The following DHX34 variants were observed in gnomAD, a reference collection of about 807,000 sequenced individuals.
DHX34 encodes DExH-box helicase 34, also known as probable ATP-dependent RNA helicase DHX34.
A neutral mutation model predicts 111.1 loss-of-function variants in DHX34; 96 were observed. The observed-to-expected ratio is 0.86, with a 90% CI of 0.73 to 1.02. DHX34 has a LOEUF of 1.02. DHX34 is among the 50% of genes least tolerant of loss of function. The pLI is 0.00. For synonymous variants in DHX34, 688 were observed against 670.4 expected (o/e 1.03, Z -0.41); for missense variants, 1,560 against 1,579.9 (o/e 0.99, Z 0.21).
At chr19:47,356,812 G>A (rs754394754) in intron 3 of DHX34, among the ~76,000 whole-genome samples, 1 of 151,840 alleles carries the variant, frequency 6.6e-6, no homozygotes, top group Non-Finnish European at 1.5e-5. Flanking sequence ...AAATTAGCTC[G>A]AGTGGTGGTG....
chr19:47,381,750 T>G, intron 16 of DHX34: 1 of 705,530 alleles, frequency 1.4e-6, no homozygotes, highest in Non-Finnish European at 1.7e-6. Flanking sequence ...CCTCTCAGTC[T>G]CCATGTCTCT....
chr19:47,351,089 T>C (rs1205342962), intron 1 of DHX34, among the ~76,000 whole-genome samples: 1 of 151,458 alleles, frequency 6.6e-6, no homozygotes, highest in Non-Finnish European at 1.5e-5. Flanking sequence ...ATAGATACCT[T>C]GAGAGGAGCG....
intron 1 of DHX34, among the ~76,000 whole-genome samples, chr19:47,350,694 A>G (rs1351233571): frequency 6.6e-6 from 1 of 152,114 alleles, no homozygotes; most frequent in Non-Finnish European, 1.5e-5. Flanking sequence ...TGCTGGGATT[A>G]TAGGCGTGAG....
chr19:47,356,054 AAT>A (rs1453220701), intron 3 of DHX34, among the ~76,000 whole-genome samples: 3 of 152,064 alleles, frequency 2.0e-5, no homozygotes. Flanking sequence ...CAGTCTGGAT[AAT>A]TCCTTGTCGT....
At position 47,353,437 on chromosome 19, in the gene DHX34, C is replaced by T. The variant is rs1462717104; in HGVS notation, c.407C>T (p.Ala136Val). The change falls in exon 2 of 17, where the codon GCC (alanine) becomes GTC (valine). Residue 136 changes from alanine to valine, a missense_variant. Ala to Val is a moderately conservative substitution (Grantham distance 64, BLOSUM62 0). Transcript: ENST00000328771. The surrounding 1 kb of genome is among the most constrained non-coding windows in gnomAD (Gnocchi z 4.6). The stretch of plus-strand genomic sequence containing the variant: ...GAGAGAGTGGCTGAGTTCCGCCGAG[C>T]CCTGTTGCACTACCTGGACTTTGGC... ...PAERVAEFRR[A>V]LLHYLDFGQK... 6.2e-7 allele frequency: 1 copy of T among 1,614,192 alleles called. No homozygotes were observed. Among genetic ancestry groups the T allele is most frequent in the South Asian group, 1.1e-5 (1 of 91,088 alleles).
At chr19:47,373,041 C>G in intron 8 of DHX34, 118 bp downstream of exon 8, 1 of 1,320,454 alleles carries the variant, frequency 7.6e-7, no homozygotes, top group Non-Finnish European at 1.0e-6. Context: ...CCACTGAGCC[C>G]CCCACAGACT....
In DHX34 at chr19:47,373,832, C is replaced by G. The variant is rs915335252; in HGVS notation, c.2064+132C>G. On this transcript the variant is annotated intron_variant, in intron 9 of 16. Transcript: ENST00000328771. ...CACCCTGCACCCACCTCCCCCACCACCCGGTGACCAGGTGTTGGGGCAGCT... is the reference window on the plus strand; with the variant it reads ...CACCCTGCACCCACCTCCCCCACCAGCCGGTGACCAGGTGTTGGGGCAGCT... The G allele has an allele frequency of 9.3e-6, 11 of 1,178,124 alleles. No homozygotes were observed. In the East Asian group the frequency reaches 2.7e-4, roughly 29 times the overall value. The allele number at this position is 1,178,124 out of a possible 1,614,324, so 73.0% of individuals were successfully genotyped here.
intron 3 of DHX34, among the ~76,000 whole-genome samples, chr19:47,357,331 G>A (rs1456410336): frequency 1.3e-5 from 2 of 152,176 alleles, no homozygotes; most frequent in African/African-American, 4.8e-5. Context: ...TAGCACCCAG[G>A]TTTAGAAAAG....
Position 47,352,846 on chromosome 19 carries a change from A to T in DHX34, c.-185A>T. ...TACCCTTTGTGTCACCAGCTCAAGC[A>T]GGCCTCTGGCCACTTTATCATCTGT... On this transcript the variant is annotated 5_prime_UTR_variant, in exon 2 of 17. Transcript: ENST00000328771. 1 of 1,260,022 alleles carries T rather than the reference A, an allele frequency of 7.9e-7. No homozygotes were observed. Among genetic ancestry groups the T allele is most frequent in the Non-Finnish European group, 1.1e-6 (1 of 943,248 alleles). The allele number at this position is 1,260,022 out of a possible 1,614,324, so 78.1% of individuals were successfully genotyped here. A position where few individuals can be genotyped will look rare whatever the true frequency, so the allele number is the denominator to read the frequency against.
intron 4 of DHX34, among the ~76,000 whole-genome samples, chr19:47,358,919 G>A (rs978802795): frequency 3.3e-5 from 5 of 152,046 alleles, no homozygotes; most frequent in Admixed American, 2.6e-4. Context: ...TCCGGCCTCC[G>A]TTAATTTTTT....
At chr19:47,358,300 T>G (rs1969523103) in intron 4 of DHX34, among the ~76,000 whole-genome samples, 180 bp downstream of exon 4, 1 of 152,162 alleles carries the variant, frequency 6.6e-6, no homozygotes, top group Non-Finnish European at 1.5e-5. Flanking sequence ...GAGCCCATGC[T>G]CTAAACCAGA....
chr19:47,349,651 A>G (rs1969224317), intron 1 of DHX34, among the ~76,000 whole-genome samples: 1 of 152,154 alleles, frequency 6.6e-6, no homozygotes, highest in African/African-American at 2.4e-5. Context: ...TGAAAACTAG[A>G]GAGCGTGGGC....
At chr19:47,372,142 T>C (rs1969982554) in intron 7 of DHX34, among the ~76,000 whole-genome samples, 1 of 151,102 alleles carries the variant, frequency 6.6e-6, no homozygotes, top group Non-Finnish European at 1.5e-5. Flanking sequence ...TTTCCCTACC[T>C]CTCCCAGCCC....
intron 13 of DHX34, among the ~76,000 whole-genome samples, chr19:47,378,750 T>C (rs744736): frequency 0.5 from 75,921 of 150,854 alleles, 22,289 homozygotes; most frequent in African/African-American, 0.83. Context: ...GCAGGAGGAT[T>C]GCTTGAGCCT....
At chr19:47,361,181 G>A (rs1232476093) in intron 5 of DHX34, among the ~76,000 whole-genome samples, 1 of 152,060 alleles carries the variant, frequency 6.6e-6, no homozygotes, top group Non-Finnish European at 1.5e-5. Flanking sequence ...GTCCCGGCTG[G>A]GCGCGGTGGC....
intron 1 of DHX34, 30 bp from the exon 2 acceptor site, chr19:47,352,724 G>T (rs1969323388): frequency 5.6e-6 from 2 of 356,728 alleles, no homozygotes; most frequent in Non-Finnish European, 1.0e-5. Flanking sequence ...TCCCAAAAGA[G>T]AATTAATGTC....
chr19:47,356,885 G>A (rs1223181083), intron 3 of DHX34, among the ~76,000 whole-genome samples: 1 of 152,112 alleles, frequency 6.6e-6, no homozygotes, highest in Non-Finnish European at 1.5e-5. Flanking sequence ...CCTGGGAGGT[G>A]GAGGCTGCAG....
chr19:47,373,681 A>G lies in DHX34; in HGVS notation c.2045A>G (p.Asn682Ser), dbSNP rs893279710. ...GAGCATCGACTGTACGAAATGGCCAACCTTCGGCGCCAGTTCAAGGTGAGG... is the reference window on the plus strand; with the variant it reads ...GAGCATCGACTGTACGAAATGGCCAGCCTTCGGCGCCAGTTCAAGGTGAGG... ...IEEHRLYEMA[N>S]LRRQFKELLE... The change falls in exon 9 of 17, where the codon AAC becomes AGC. Residue 682 changes from asparagine to serine, a missense_variant. Physicochemically the swap from Asn to Ser is conservative, Grantham distance 46. Coordinates refer to ENST00000328771, the MANE Select transcript of DHX34 (RefSeq NM_014681.6). 1.9e-6 allele frequency: 3 copies of G among 1,613,754 alleles called. No individual in the cohort carries two copies. Among genetic ancestry groups the G allele is most frequent in the African/African-American group, 1.3e-5 (1 of 74,936 alleles).
chr19:47,357,521 C>A (rs530700774), intron 3 of DHX34, among the ~76,000 whole-genome samples: 1 of 152,226 alleles, frequency 6.6e-6, no homozygotes, highest in South Asian at 2.1e-4. Flanking sequence ...TTAATAGTCA[C>A]AAGCAGTGGA....
Sources: allele counts gnomAD v4.1 joint callset (sites outside exome capture counted in the v4.1 genomes callset), GRCh38; gene constraint gnomAD v4.1.1; non-coding constraint Gnocchi (gnomAD v3.1); transcripts MANE v1.5; gene names NCBI Gene and HGNC (gene_info 2026-07-23, HGNC 2026-07-21).